The following NAV3 variants were observed in gnomAD, a reference collection of about 807,000 sequenced individuals.
NAV3 encodes the protein neuron navigator 3, also known as pore membrane and/or filament interacting like protein 1.
A neutral mutation model predicts 244.7 loss-of-function variants in NAV3; 87 were observed. The ratio of observed to expected loss-of-function variants is 0.36; its 90% CI spans 0.30 to 0.42. The LOEUF is 0.42. Among genes scored for constraint, NAV3 ranks in the 20% least tolerant of loss-of-function variants. The pLI is 1.00. For missense variants in NAV3, 2,663 were observed against 2,893.3 expected, an observed-to-expected ratio of 0.92 and a Z score of 1.83; for synonymous variants, 1,126 against 1,042.2, an observed-to-expected ratio of 1.08 and a Z score of -1.55.
At chr12:77,681,868 C>G (rs567017240) in intron 2 of NAV3, among the ~76,000 whole-genome samples, 3 of 152,172 alleles carry the variant, frequency 2.0e-5, no homozygotes, top group African/African-American at 7.2e-5. Context: ...TTTAAATTGA[C>G]AAGTAAAAAT....
At chr12:78,167,094 C>A (rs1278791299) in intron 23 of NAV3, among the ~76,000 whole-genome samples, 1 of 151,104 alleles carries the variant, frequency 6.6e-6, no homozygotes, top group Non-Finnish European at 1.5e-5. Context: ...TATTTTATTT[C>A]TTGGGGGATA....
chr12:78,178,084 G>C (rs770686321), intron 28 of NAV3, among the ~76,000 whole-genome samples: 5 of 150,892 alleles, frequency 3.3e-5, no homozygotes, highest in African/African-American at 1.2e-4. Flanking sequence ...GTGATTAACA[G>C]CAATAATAGA....
intron 2 of NAV3, among the ~76,000 whole-genome samples, chr12:77,582,719 C>T (rs1311465413): frequency 6.6e-6 from 1 of 152,132 alleles, no homozygotes; most frequent in African/African-American, 2.4e-5. Flanking sequence ...CATGTGAGTA[C>T]ACGCATGTAT....
rs1874399525 is a variant in NAV3 at position 78,007,275 on chromosome 12, T to C, written c.1737T>C (p.Cys579=). The change falls in exon 8 of 40, where the codon TGT becomes TGC. Residue 579 remains cysteine, a synonymous_variant. Coordinates refer to ENST00000397909, the MANE Select transcript of NAV3 (RefSeq NM_001024383.2). ...TGGAGAAAGCAAGTGCTTCTAGTTG[T>C]CCTGCCCCTTTGGAAGGAAGGGAAG... is the stretch of plus-strand genomic sequence containing the variant. ...ITMEKASASS[C]PAPLEGREAG... is the part of the protein sequence containing the mutation. The C allele has an allele frequency of 6.2e-7, 1 of 1,614,206 alleles. No individual in the cohort carries two copies. Among genetic ancestry groups the C allele is most frequent in the South Asian group, 1.1e-5 (1 of 91,088 alleles).
chr12:77,641,839 A>G (rs1208031106), intron 2 of NAV3, among the ~76,000 whole-genome samples: 2 of 152,108 alleles, frequency 1.3e-5, no homozygotes, highest in Admixed American at 6.6e-5. Flanking sequence ...GCTATATCCT[A>G]CATTTATAGG....
intron 2 of NAV3, among the ~76,000 whole-genome samples, chr12:77,651,763 C>CAT (rs1405308428): frequency 1.3e-5 from 2 of 152,166 alleles, no homozygotes; most frequent in Non-Finnish European, 2.9e-5. Flanking sequence ...TAACTCATGT[C>CAT]ATTAAATTGG....
At chr12:77,614,470 A>G (rs989513545) in intron 2 of NAV3, among the ~76,000 whole-genome samples, 1 of 152,176 alleles carries the variant, frequency 6.6e-6, no homozygotes, top group Non-Finnish European at 1.5e-5. Context: ...TTTAAAAAAT[A>G]TATTAAATAT....
rs1271535818 is a variant in NAV3 at position 78,117,157 on chromosome 12, G to GTATATA, written c.2769+253_2769+254insTATATA. On this transcript the variant is annotated intron_variant, in intron 13 of 39. Transcript: ENST00000397909. ...AGCCAATTTTGAATAAACAGAAGCA[G>GTATATA]CATATATATATATATATATATATAT... Among the ~76,000 whole-genome samples the GTATATA allele has an allele frequency of 5.2e-4, 6 of 11,618 alleles. No individual in the cohort carries two copies. The Admixed American group carries it at 7.4e-3, about 14-fold the overall frequency. The allele number at this position is 11,618 out of a possible 152,430, so 7.6% of individuals were successfully genotyped here. A position where few individuals can be genotyped will look rare whatever the true frequency, so the allele number is the denominator to read the frequency against.
intron 3 of NAV3, among the ~76,000 whole-genome samples, chr12:77,948,083 G>A (rs1288887604): frequency 6.6e-6 from 1 of 152,002 alleles, no homozygotes; most frequent in African/African-American, 2.4e-5. Flanking sequence ...TAAAAAAAAT[G>A]CCAAAGATGA....
At chr12:78,130,702 A>C (rs1219384061) in intron 18 of NAV3, 2 of 152,564 alleles carry the variant, frequency 1.3e-5, no homozygotes, top group Non-Finnish European at 2.9e-5. Flanking sequence ...GGAGATGCCC[A>C]GCTTATCCAA....
chr12:77,839,659 T>TA (rs1294731096), intron 1 of NAV3, among the ~76,000 whole-genome samples: 1 of 152,226 alleles, frequency 6.6e-6, no homozygotes, highest in Non-Finnish European at 1.5e-5. Flanking sequence ...CTACTAGTAT[T>TA]ATAATATTAT....
chr12:77,723,179 G>A (rs745480561), intron 2 of NAV3, among the ~76,000 whole-genome samples: 11 of 152,090 alleles, frequency 7.2e-5, no homozygotes, highest in Non-Finnish European at 1.3e-4. Flanking sequence ...AGTGACAATG[G>A]TACTGGGAGA....
At chr12:77,679,147 A>G (rs773370853) in intron 2 of NAV3, among the ~76,000 whole-genome samples, 13 of 152,124 alleles carry the variant, frequency 8.5e-5, no homozygotes, top group Non-Finnish European at 1.6e-4. Context: ...GATTTTTTTT[A>G]ACCTCGATTC....
At chr12:77,851,903 C>A (rs1332799521) in intron 1 of NAV3, among the ~76,000 whole-genome samples, 1 of 152,138 alleles carries the variant, frequency 6.6e-6, no homozygotes, top group African/African-American at 2.4e-5. Context: ...TAAATGCATT[C>A]TCATTTAGTC....
intron 5 of NAV3, among the ~76,000 whole-genome samples, chr12:77,977,733 C>G (rs1868768707): frequency 6.6e-6 from 1 of 151,458 alleles, no homozygotes; most frequent in African/African-American, 2.4e-5. Flanking sequence ...CACACACACA[C>G]ACACACACTC....
chr12:77,599,780 A>G (rs987654640), intron 2 of NAV3, among the ~76,000 whole-genome samples: 9 of 151,878 alleles, frequency 5.9e-5, no homozygotes, highest in South Asian at 2.1e-4. Flanking sequence ...GTTTTCTTCT[A>G]TTATAAAATA....
intron 2 of NAV3, among the ~76,000 whole-genome samples, chr12:77,593,184 A>C (rs1340756986): frequency 6.6e-6 from 1 of 152,180 alleles, no homozygotes; most frequent in African/African-American, 2.4e-5. Context: ...AGTTTAAAAA[A>C]TAATGAATCT....
At chr12:77,867,912 C>G (rs932258880) in intron 1 of NAV3, among the ~76,000 whole-genome samples, 12 of 152,164 alleles carry the variant, frequency 7.9e-5, no homozygotes, top group Non-Finnish European at 1.8e-4. Flanking sequence ...AAGGGCCCCT[C>G]AAGTATGGAC....
At chr12:78,194,217 A>C (rs986944889) in intron 34 of NAV3, among the ~76,000 whole-genome samples, 5 of 151,922 alleles carry the variant, frequency 3.3e-5, no homozygotes, top group African/African-American at 1.2e-4. Context: ...ACCTGTTGAG[A>C]ATTGACAATT....
Sources: allele counts gnomAD v4.1 joint callset (sites outside exome capture counted in the v4.1 genomes callset), GRCh38; gene constraint gnomAD v4.1.1; transcripts MANE v1.5; gene names NCBI Gene and HGNC (gene_info 2026-07-23, HGNC 2026-07-21).